Variants in NRCAM observed in about 807,000 individuals in gnomAD.
The protein encoded by NRCAM is NgCAM-related cell adhesion molecule.
In NRCAM, 83 loss-of-function variants were observed where a neutral mutation model predicts 156.5. The observed-to-expected ratio is 0.53, with a 90% CI of 0.44 to 0.64. The LOEUF (loss-of-function observed/expected upper bound fraction) is 0.64. Among genes scored for constraint, NRCAM ranks in the 30% least tolerant of loss-of-function variants. The pLI, the probability that NRCAM is intolerant of heterozygous loss-of-function variation, is 0.00. For missense variants in NRCAM, 1,417 were observed against 1,597.3 expected (o/e 0.89, Z 1.92); for synonymous variants, 538 against 563.9 (o/e 0.95, Z 0.65).
At chr7:108,393,777 C>A (rs1274849167) in intron 2 of NRCAM, among the ~76,000 whole-genome samples, 1 of 152,160 alleles carries the variant, frequency 6.6e-6, no homozygotes, top group Non-Finnish European at 1.5e-5. Context: ...TGTCACAGAT[C>A]TTGATTGTGA....
chr7:108,320,683 TTAAC>T (rs757786902), intron 2 of NRCAM, among the ~76,000 whole-genome samples: 18 of 152,360 alleles, frequency 1.2e-4, no homozygotes, highest in South Asian at 4.1e-4. Context: ...CAAAGGAAAC[TTAAC>T]TAATTGTTGT....
intron 1 of NRCAM, among the ~76,000 whole-genome samples, chr7:108,415,703 A>C (rs971297200): frequency 6.6e-6 from 1 of 152,190 alleles, no homozygotes; most frequent in Non-Finnish European, 1.5e-5. Flanking sequence ...CAACATGGCA[A>C]AACCCTGCCT....
rs2060928127 is a variant in NRCAM, at chr7:108,177,328, T to C, written c.2974+662A>G. Among the ~76,000 whole-genome samples, 6 of 152,006 alleles carry C rather than the reference T, an allele frequency of 3.9e-5. No homozygotes were observed. In the South Asian group the frequency reaches 1.2e-3, roughly 32 times the overall value. On this transcript the variant is annotated intron_variant, in intron 26 of 32. Coordinates refer to ENST00000379028, the MANE Select transcript of NRCAM (RefSeq NM_001037132.4). ...AGAGGGAAGGCGAGATAGGGAGATA[T>C]CAGTTAAAGGGAAGGCTGGGCGCAG...
chr7:108,335,217 T>A (rs1235354927), intron 2 of NRCAM, among the ~76,000 whole-genome samples: 1 of 152,178 alleles, frequency 6.6e-6, no homozygotes, highest in African/African-American at 2.4e-5. Context: ...AGAATTTGTA[T>A]TAAATCTCAT....
At chr7:108,331,599 T>A (rs2099127658) in intron 2 of NRCAM, among the ~76,000 whole-genome samples, 1 of 152,172 alleles carries the variant, frequency 6.6e-6, no homozygotes, top group Admixed American at 6.5e-5. Context: ...TGAATTAATA[T>A]TCATAAATTA....
chr7:108,435,145 G>A (rs1830538496), intron 1 of NRCAM, among the ~76,000 whole-genome samples: 1 of 152,076 alleles, frequency 6.6e-6, no homozygotes, highest in Non-Finnish European at 1.5e-5. Context: ...AGAAAACCAT[G>A]TTTAAAAATT....
At chr7:108,183,538 C>CTTTT (rs748524375) in intron 22 of NRCAM, among the ~76,000 whole-genome samples, 1 of 145,310 alleles carries the variant, frequency 6.9e-6, no homozygotes, top group Non-Finnish European at 1.5e-5. Flanking sequence ...CCAGGTGGCT[C>CTTTT]TTTTTTTTTC....
intron 11 of NRCAM, among the ~76,000 whole-genome samples, chr7:108,216,198 TG>T (rs2088677891): frequency 6.6e-6 from 1 of 152,208 alleles, no homozygotes; most frequent in African/African-American, 2.4e-5. Flanking sequence ...TATGAAATTC[TG>T]GGTTGAAAAT....
At chr7:108,284,827 A>C (rs1313385408) in intron 3 of NRCAM, among the ~76,000 whole-genome samples, 2 of 152,230 alleles carry the variant, frequency 1.3e-5, no homozygotes, top group Non-Finnish European at 2.9e-5. Context: ...GGAGCCTGTA[A>C]GCACCTCGCT....
chr7:108,398,201 C>G (rs1202827670), intron 2 of NRCAM, among the ~76,000 whole-genome samples: 1 of 152,086 alleles, frequency 6.6e-6, no homozygotes, highest in East Asian at 1.9e-4. Flanking sequence ...AAGAATAAAT[C>G]TGCTTCTCTC....
At chr7:108,273,279 G>A (rs1591202787) in intron 3 of NRCAM, among the ~76,000 whole-genome samples, 1 of 152,106 alleles carries the variant, frequency 6.6e-6, no homozygotes, top group East Asian at 1.9e-4. Flanking sequence ...GGGATGGCTG[G>A]GTCAAATGGT....
chr7:108,227,636 C>G (rs1303838301), intron 8 of NRCAM, among the ~76,000 whole-genome samples: 2 of 152,032 alleles, frequency 1.3e-5, no homozygotes, highest in Non-Finnish European at 2.9e-5. Flanking sequence ...CACACTTAGC[C>G]AGCTAATGGA....
At chr7:108,395,558 C>T (rs1303127155) in intron 2 of NRCAM, among the ~76,000 whole-genome samples, 1 of 152,190 alleles carries the variant, frequency 6.6e-6, no homozygotes, top group Non-Finnish European at 1.5e-5. Flanking sequence ...TGTTGGAATA[C>T]TGCCCATGCA....
At chr7:108,267,605 G>A (rs995685811) in intron 3 of NRCAM, among the ~76,000 whole-genome samples, 2 of 152,130 alleles carry the variant, frequency 1.3e-5, no homozygotes, top group African/African-American at 4.8e-5. Flanking sequence ...AAAGGGAAAC[G>A]GTTTTATTCC....
intron 2 of NRCAM, among the ~76,000 whole-genome samples, chr7:108,383,807 T>C (rs897545890): frequency 6.6e-6 from 1 of 152,148 alleles, no homozygotes. Flanking sequence ...CATGGTTTTA[T>C]GTTGGGGGTG....
intron 3 of NRCAM, among the ~76,000 whole-genome samples, chr7:108,244,527 G>A (rs2095772860): frequency 6.6e-6 from 1 of 152,220 alleles, no homozygotes; most frequent in East Asian, 1.9e-4. Context: ...GTCTGAGACT[G>A]TGGAGGAAAG....
intron 1 of NRCAM, among the ~76,000 whole-genome samples, chr7:108,450,778 C>T (rs1355279099): frequency 6.6e-6 from 1 of 152,210 alleles, no homozygotes; most frequent in Admixed American, 6.5e-5. Flanking sequence ...TGCTCCACAA[C>T]ATCAATTTCT....
chr7:108,421,136 G>A (rs925439468), intron 1 of NRCAM, among the ~76,000 whole-genome samples: 3 of 152,068 alleles, frequency 2.0e-5, no homozygotes, highest in Non-Finnish European at 4.4e-5. Flanking sequence ...ATTATGGTAG[G>A]TGCTTAGCGA....
intron 3 of NRCAM, among the ~76,000 whole-genome samples, chr7:108,311,105 C>T (rs1592814423): frequency 2.6e-5 from 4 of 152,254 alleles, no homozygotes; most frequent in African/African-American, 7.2e-5. Context: ...TCACAGTGGC[C>T]GCTGTTTTCC....
Sources: gnomAD v4.1 joint callset for allele counts (sites outside exome capture counted in the v4.1 genomes callset) on GRCh38, gnomAD v4.1.1 for gene constraint, MANE v1.5 for transcripts, NCBI Gene and HGNC (gene_info 2026-07-23, HGNC 2026-07-21) for gene names.